TEX48: variants seen among roughly 807,000 people sequenced by gnomAD.
TEX48 encodes testis-expressed protein 48.
Under a neutral mutation model 13.2 loss-of-function variants are expected in TEX48, and 10 were observed. The observed-to-expected ratio is 0.75, with a 90% CI of 0.47 to 1.28. The LOEUF (loss-of-function observed/expected upper bound fraction) is 1.28, where lower values mean the gene tolerates loss of function less well. Among genes scored for constraint, TEX48 ranks in the 50% most tolerant of loss-of-function variants. TEX48 has a pLI of 0.00. For synonymous variants in TEX48, 45 were observed against 52.3 expected, an observed-to-expected ratio of 0.86 and a Z score of 0.60; for missense variants, 116 against 139.4, an observed-to-expected ratio of 0.83 and a Z score of 0.84.
At chr9:114,679,274 G>A (rs574424566) in intron 1 of TEX48, among the ~76,000 whole-genome samples, 3 of 149,340 alleles carry the variant, frequency 2.0e-5, no homozygotes, top group Non-Finnish European at 3.0e-5. Flanking sequence ...ACTAGAAATC[G>A]AGATAATCTT....
At chr9:114,678,475 T>C (rs1828119439) in intron 1 of TEX48, among the ~76,000 whole-genome samples, 1 of 152,214 alleles carries the variant, frequency 6.6e-6, no homozygotes, top group Non-Finnish European at 1.5e-5. Context: ...AAGTTTGTTT[T>C]GTATATCCTG....
chr9:114,677,309 T>C (rs1284687015), intron 1 of TEX48, among the ~76,000 whole-genome samples: 1 of 151,752 alleles, frequency 6.6e-6, no homozygotes, highest in Non-Finnish European at 1.5e-5. Context: ...TTTTTTAACA[T>C]GATTTTAGCT....
At chr9:114,677,345 T>C (rs1828095438) in intron 1 of TEX48, among the ~76,000 whole-genome samples, 1 of 152,174 alleles carries the variant, frequency 6.6e-6, no homozygotes, top group African/African-American at 2.4e-5. Flanking sequence ...GAGTTCTCTT[T>C]AGTGGATTTA....
At chr9:114,676,960 C>T (rs983009974) in intron 1 of TEX48, among the ~76,000 whole-genome samples, 4 of 152,174 alleles carry the variant, frequency 2.6e-5, no homozygotes, top group East Asian at 3.8e-4. Context: ...GGGATGGGCA[C>T]AGAATAGGTA....
At chr9:114,672,161 C>T (rs1013206735) in intron 1 of TEX48, among the ~76,000 whole-genome samples, 1 of 152,158 alleles carries the variant, frequency 6.6e-6, no homozygotes, top group African/African-American at 2.4e-5. Flanking sequence ...CCTCCCTTCT[C>T]TTTATGTAGC....
At chr9:114,674,961 G>A (rs1418733269) in intron 1 of TEX48, among the ~76,000 whole-genome samples, 1 of 150,936 alleles carries the variant, frequency 6.6e-6, no homozygotes, top group African/African-American at 2.4e-5. Context: ...GTGAGTCACC[G>A]TGCCCAGCTT....
rs555446382 is a variant in TEX48, at chr9:114,670,070, A to G, written c.127+1313T>C. Among the ~76,000 whole-genome samples the G allele has an allele frequency of 6.6e-5, 10 of 152,310 alleles. No individual in the cohort carries two copies. In the East Asian group the frequency reaches 1.4e-3, roughly 21 times the overall value. ...TTAACCCCCACCTGCCTCTTCATTC[A>G]TATCTGCAAAATGCTATGCTCAATT... On this transcript the variant is annotated intron_variant, in intron 3 of 4. Transcript: ENST00000436752.
intron 1 of TEX48, among the ~76,000 whole-genome samples, chr9:114,672,184 A>G (rs1340756980): frequency 6.6e-6 from 1 of 152,208 alleles, no homozygotes; most frequent in African/African-American, 2.4e-5. Context: ...ACTGGCTTCC[A>G]ATGATCCCAG....
chr9:114,667,723 AC>A (rs1219496486), intron 4 of TEX48, among the ~76,000 whole-genome samples: 2 of 151,898 alleles, frequency 1.3e-5, no homozygotes, highest in African/African-American at 2.4e-5. Context: ...ACATGGTGAA[AC>A]CCTTTTTCTA....
Position 114,666,437 on chromosome 9 carries a change from G to A in TEX48, c.*206C>T, listed in dbSNP as rs1327146507. The stretch of plus-strand genomic sequence containing the variant: ...AGGAAAAGAGAAGGACACATCCTCT[G>A]GTGCAATCAAGAACTTTAATTGGAG... On this transcript the variant is annotated 3_prime_UTR_variant, in exon 5 of 5. Coordinates refer to ENST00000436752, the MANE Select transcript of TEX48 (RefSeq NM_001199233.2). 2 of 484,412 alleles carry A rather than the reference G, an allele frequency of 4.1e-6. No homozygotes were observed. Among genetic ancestry groups the A allele is most frequent in the Non-Finnish European group, 3.6e-6 (1 of 277,266 alleles). 30.0% of individuals were successfully genotyped at this position (484,412 alleles called of 1,614,324 possible).
At chr9:114,678,342 A>G (rs1425247022) in intron 1 of TEX48, among the ~76,000 whole-genome samples, 1 of 152,218 alleles carries the variant, frequency 6.6e-6, no homozygotes, top group Admixed American at 6.5e-5. Flanking sequence ...AAGAACAATC[A>G]CATTGCACAA....
intron 1 of TEX48, among the ~76,000 whole-genome samples, chr9:114,677,874 CTG>C (rs1828105281): frequency 6.6e-6 from 1 of 151,916 alleles, no homozygotes; most frequent in African/African-American, 2.4e-5. Context: ...CAAGTAGAAA[CTG>C]TTTATCAATT....
At chr9:114,667,096 G>A (rs1193192806) in intron 4 of TEX48, among the ~76,000 whole-genome samples, 1 of 152,222 alleles carries the variant, frequency 6.6e-6, no homozygotes, top group South Asian at 2.1e-4. Flanking sequence ...ACCCCTATGG[G>A]GGGGTGGGAA....
intron 3 of TEX48, 54 bp downstream of exon 3, chr9:114,671,329 T>C: frequency 3.3e-6 from 5 of 1,523,322 alleles, no homozygotes; most frequent in Non-Finnish European, 4.4e-6. Context: ...AGGCAGAGAG[T>C]GAGCAAAGTG....
chr9:114,677,911 G>T (rs185792000), intron 1 of TEX48, among the ~76,000 whole-genome samples: 26 of 152,010 alleles, frequency 1.7e-4, no homozygotes, highest in African/African-American at 6.3e-4. Flanking sequence ...CCTGCTTGTC[G>T]TGGTCTCATC....
In TEX48 at chr9:114,671,813, G is replaced by T; in HGVS notation, c.-90C>A. On this transcript the variant is annotated 5_prime_UTR_variant, in exon 2 of 5. Transcript: ENST00000436752. ...GTCTTGAGTTTGAGCCCAGTTCACT[G>T]GGCTGGGCTGTTTCCTAAGTAAACA... 7.1e-7 allele frequency: 1 copy of T among 1,416,708 alleles called. No individual in the cohort carries two copies. Among genetic ancestry groups the T allele is most frequent in the South Asian group, 1.2e-5 (1 of 81,552 alleles). The allele number at this position is 1,416,708 out of a possible 1,614,324, so 87.8% of individuals were successfully genotyped here. A position where few individuals can be genotyped will look rare whatever the true frequency, so the allele number is the denominator to read the frequency against.
At position 114,671,804 on chromosome 9, in the gene TEX48, C is replaced by G; in HGVS notation, c.-81G>C. ...AATCAGCCAGTCTTGAGTTTGAGCC[C>G]AGTTCACTGGGCTGGGCTGTTTCCT... On this transcript the variant is annotated 5_prime_UTR_variant, in exon 2 of 5. Coordinates refer to ENST00000436752, the MANE Select transcript of TEX48 (RefSeq NM_001199233.2). 6.8e-7 allele frequency: 1 copy of G among 1,465,010 alleles called. No homozygotes were observed. The highest frequency in any genetic ancestry group is 2.0e-5 in the Admixed American group (1 of 50,886). The allele number at this position is 1,465,010 out of a possible 1,614,324, so 90.8% of individuals were successfully genotyped here.
intron 1 of TEX48, among the ~76,000 whole-genome samples, chr9:114,678,358 A>C (rs564980656): frequency 6.6e-6 from 1 of 152,222 alleles, no homozygotes; most frequent in South Asian, 2.1e-4. Context: ...CACAACACCC[A>C]CCTAAAACTT....
In TEX48 at chr9:114,666,735, A is replaced by G; in HGVS notation, c.271T>C (p.Tyr91His). ...SSSEFEDLNA[Y>H]ASQRNFYKRN... ...TTGTAAAAATTTCTTTGGGAAGCAT[A>G]TGCATTCAGATCTGAAAGAAGAAAG... The change falls in exon 5 of 5, where the codon TAT becomes CAT. Residue 91 changes from tyrosine to histidine, a missense_variant. By Grantham distance (83) the Tyr-to-His change is moderately conservative. Coordinates refer to ENST00000436752, the MANE Select transcript of TEX48 (RefSeq NM_001199233.2). 1 of 1,523,452 alleles carries G rather than the reference A, an allele frequency of 6.6e-7. No individual in the cohort carries two copies. The allele number at this position is 1,523,452 out of a possible 1,614,324, so 94.4% of individuals were successfully genotyped here.
Sources: allele counts gnomAD v4.1 joint callset (sites outside exome capture counted in the v4.1 genomes callset), GRCh38; gene constraint gnomAD v4.1.1; transcripts MANE v1.5; gene names NCBI Gene and HGNC (gene_info 2026-07-23, HGNC 2026-07-21).